The following INPP4B variants were observed in gnomAD, a reference collection of about 807,000 sequenced individuals.
INPP4B encodes the protein inositol polyphosphate-4-phosphatase type II B, also known as inositol polyphosphate 4-phosphatase type II.
Under a neutral mutation model 122.5 loss-of-function variants are expected in INPP4B, and 55 were observed. The ratio of observed to expected loss-of-function variants is 0.45; its 90% CI spans 0.36 to 0.56. The LOEUF is 0.56. Ranked by LOEUF, INPP4B falls within the 20% of genes least tolerant of loss-of-function variation. INPP4B has a pLI of 0.00. For synonymous variants in INPP4B, 403 were observed against 388.7 expected (o/e 1.04, Z -0.43); for missense variants, 1,000 against 1,097.7 (o/e 0.91, Z 1.26).
At chr4:142,166,032 T>A (rs539424600) in intron 16 of INPP4B, among the ~76,000 whole-genome samples, 24 of 151,860 alleles carry the variant, frequency 1.6e-4, no homozygotes, top group Admixed American at 8.6e-4. Flanking sequence ...TGGTGAAGTA[T>A]ATTTTTAATT....
chr4:142,713,706 T>C (rs1580757311), intron 2 of INPP4B, among the ~76,000 whole-genome samples: 1 of 152,186 alleles, frequency 6.6e-6, no homozygotes, highest in Non-Finnish European at 1.5e-5. Context: ...TTGCCAGATA[T>C]GGTTGTCCAC....
At chr4:142,039,249 G>A (rs555382633) in intron 25 of INPP4B, among the ~76,000 whole-genome samples, 1 of 152,188 alleles carries the variant, frequency 6.6e-6, no homozygotes, top group Admixed American at 6.5e-5. Context: ...AGAATACAAA[G>A]CATGCTGAAA....
At chr4:142,098,383 TG>T (rs1423153626) in intron 23 of INPP4B, among the ~76,000 whole-genome samples, 2 of 151,906 alleles carry the variant, frequency 1.3e-5, no homozygotes, top group Non-Finnish European at 2.9e-5. Flanking sequence ...CTAACAACAT[TG>T]GGGGTTACTG....
chr4:142,495,602 C>T (rs1344343182), intron 2 of INPP4B, among the ~76,000 whole-genome samples: 3 of 152,048 alleles, frequency 2.0e-5, no homozygotes, highest in African/African-American at 7.2e-5. Flanking sequence ...CTCCAGCTGA[C>T]TCCCAAATCC....
intron 2 of INPP4B, chr4:142,560,392 A>G (rs1328292984): frequency 6.6e-6 from 1 of 152,230 alleles, no homozygotes; most frequent in Non-Finnish European, 1.5e-5. Context: ...AGAGTTCTCT[A>G]GAGGGACAGA....
chr4:142,369,684 TGGGAGGCCAAG>T (rs1789057536), intron 7 of INPP4B, among the ~76,000 whole-genome samples: 1 of 151,622 alleles, frequency 6.6e-6, no homozygotes, highest in African/African-American at 2.4e-5. Context: ...CCCAGCACTT[TGGGAGGCCAAG>T]GTGGGTGGAT....
At chr4:142,266,405 AG>A (rs1455927041) in intron 10 of INPP4B, among the ~76,000 whole-genome samples, 1 of 152,212 alleles carries the variant, frequency 6.6e-6, no homozygotes, top group Non-Finnish European at 1.5e-5. Flanking sequence ...AACAAGGTTT[AG>A]GGTAGCAGAG....
chr4:142,318,326 A>G (rs936131747), intron 7 of INPP4B, among the ~76,000 whole-genome samples: 7 of 152,092 alleles, frequency 4.6e-5, no homozygotes, highest in Non-Finnish European at 8.8e-5. Context: ...AAGAGAGAGA[A>G]GGAGGAATAT....
chr4:142,820,302 C>T (rs953229150), intron 1 of INPP4B, among the ~76,000 whole-genome samples: 2 of 152,086 alleles, frequency 1.3e-5, no homozygotes, highest in African/African-American at 4.8e-5. Context: ...AGTGAATGAG[C>T]TCTTGCTCTA....
intron 25 of INPP4B, among the ~76,000 whole-genome samples, chr4:142,072,860 C>A (rs1768347528): frequency 6.6e-6 from 1 of 151,914 alleles, no homozygotes; most frequent in Non-Finnish European, 1.5e-5. Flanking sequence ...TGAACTATAC[C>A]CAGTTACCAA....
chr4:142,806,641 G>A (rs1174563056), intron 1 of INPP4B, among the ~76,000 whole-genome samples: 1 of 151,744 alleles, frequency 6.6e-6, no homozygotes, highest in Non-Finnish European at 1.5e-5. Context: ...ATGCTCAACA[G>A]GCTGAGATGG....
At chr4:142,132,118 T>C (rs1801608342) in intron 18 of INPP4B, among the ~76,000 whole-genome samples, 1 of 152,236 alleles carries the variant, frequency 6.6e-6, no homozygotes, top group African/African-American at 2.4e-5. Flanking sequence ...AATTTCTGCA[T>C]ATGATTCCAC....
intron 1 of INPP4B, among the ~76,000 whole-genome samples, chr4:142,770,707 G>A (rs1772910943): frequency 6.6e-6 from 1 of 152,094 alleles, no homozygotes; most frequent in Non-Finnish European, 1.5e-5. Context: ...AGGAAAGAGT[G>A]ATTACAGAAT....
chr4:142,391,514 A>T (rs1797661305), intron 7 of INPP4B, among the ~76,000 whole-genome samples: 1 of 152,212 alleles, frequency 6.6e-6, no homozygotes, highest in Non-Finnish European at 1.5e-5. Flanking sequence ...GTAAGCCGAG[A>T]TCGTGCCACT....
At chr4:142,150,774 T>C (rs1265297200) in intron 17 of INPP4B, among the ~76,000 whole-genome samples, 1 of 152,194 alleles carries the variant, frequency 6.6e-6, no homozygotes, top group Non-Finnish European at 1.5e-5. Context: ...GGCAGCATGA[T>C]GGTGACTCAG....
chr4:142,739,157 A>T (rs567415567), intron 1 of INPP4B, among the ~76,000 whole-genome samples: 19 of 152,258 alleles, frequency 1.2e-4, no homozygotes, highest in Admixed American at 1.0e-3. Context: ...AATGCAAAAG[A>T]AAATCAATCT....
At chr4:142,592,934 C>T (rs1737834289) in intron 2 of INPP4B, among the ~76,000 whole-genome samples, 1 of 151,884 alleles carries the variant, frequency 6.6e-6, no homozygotes. Flanking sequence ...GACCCTATCT[C>T]TACAAAATAA....
At chr4:142,088,420 G>C (rs891428548) in intron 23 of INPP4B, among the ~76,000 whole-genome samples, 1 of 152,216 alleles carries the variant, frequency 6.6e-6, no homozygotes, top group East Asian at 1.9e-4. Flanking sequence ...AGGTATATCG[G>C]TGACATAGAA....
intron 1 of INPP4B, among the ~76,000 whole-genome samples, chr4:142,802,246 T>A (rs925016726): frequency 6.6e-6 from 1 of 152,166 alleles, no homozygotes; most frequent in African/African-American, 2.4e-5. Context: ...GTCACGGTAA[T>A]TCTACTTCCT....
Sources: allele counts gnomAD v4.1 joint callset (sites outside exome capture counted in the v4.1 genomes callset), GRCh38; gene constraint gnomAD v4.1.1; transcripts MANE v1.5; gene names NCBI Gene and HGNC (gene_info 2026-07-23, HGNC 2026-07-21).